FAM219A: variants seen among roughly 807,000 people sequenced by gnomAD.
The protein encoded by FAM219A is protein FAM219A.
A neutral mutation model predicts 23.4 loss-of-function variants in FAM219A; 7 were observed. The observed-to-expected ratio is 0.30, with a 90% confidence interval of 0.17 to 0.56. The LOEUF is 0.56. Ranked by LOEUF, FAM219A falls within the 20% of genes least tolerant of loss-of-function variation. The probability of loss-of-function intolerance (pLI) is 0.92; values close to 1 mark genes in which losing one functional copy is unlikely to be tolerated. For synonymous variants in FAM219A, 93 were observed against 99.0 expected, an observed-to-expected ratio of 0.94 and a Z score of 0.36; for missense variants, 166 against 246.9, an observed-to-expected ratio of 0.67 and a Z score of 2.20.
chr9:34,412,917 C>T (rs1265111138), intron 1 of FAM219A, among the ~76,000 whole-genome samples: 1 of 152,058 alleles, frequency 6.6e-6, no homozygotes, highest in African/African-American at 2.4e-5. Flanking sequence ...GACCACAGGC[C>T]GTTCTTTAAA....
At chr9:34,420,936 C>T (rs986903943) in intron 1 of FAM219A, among the ~76,000 whole-genome samples, 1 of 151,798 alleles carries the variant, frequency 6.6e-6, no homozygotes, top group Non-Finnish European at 1.5e-5. Context: ...GCTGTGATCA[C>T]ACCACTGCAC....
intron 1 of FAM219A, among the ~76,000 whole-genome samples, chr9:34,421,754 G>A (rs1822293773): frequency 6.7e-6 from 1 of 149,294 alleles, no homozygotes; most frequent in Admixed American, 6.7e-5. Flanking sequence ...CACCTGCACT[G>A]TCTCAACCCT....
Position 34,399,692 on chromosome 9 carries a change from A to G in FAM219A, c.*1272T>C, listed in dbSNP as rs1460994556. ...TTTCAGGTATAAAAGGATCTTCAAC[A>G]TAATTTCAGCTGCTGTTCATTTTCT... On this transcript the variant is annotated 3_prime_UTR_variant, in exon 6 of 6. Transcript: ENST00000651358. 2 of 152,220 alleles carry G rather than the reference A, an allele frequency of 1.3e-5. No homozygotes were observed. Among genetic ancestry groups the G allele is most frequent in the Non-Finnish European group, 2.9e-5 (2 of 68,040 alleles). 9.4% of individuals were successfully genotyped at this position (152,220 alleles called of 1,614,324 possible). A position where few individuals can be genotyped will look rare whatever the true frequency, so the allele number is the denominator to read the frequency against.
rs182208603 is a variant in FAM219A, at chr9:34,431,401, C to T, written c.61-25437G>A. ...ACAAACTCACACACGCATATACATG[C>T]ATGCCAGATTCTCCTCCCTGTCACT... On this transcript the variant is annotated intron_variant, in intron 1 of 5. Transcript: ENST00000651358. Among the ~76,000 whole-genome samples the T allele has an allele frequency of 9.2e-5, 14 of 152,308 alleles. 1 individual carries two copies. Among genetic ancestry groups the T allele is most frequent in the Admixed American group, 5.2e-4 (8 of 15,298 alleles).
intron 1 of FAM219A, among the ~76,000 whole-genome samples, chr9:34,423,518 G>A (rs900827744): frequency 1.3e-5 from 2 of 152,208 alleles, no homozygotes; most frequent in Non-Finnish European, 2.9e-5. Flanking sequence ...CAGGTGATGA[G>A]TCTAGAATGA....
intron 1 of FAM219A, among the ~76,000 whole-genome samples, chr9:34,456,421 A>T (rs1028058726): frequency 5.9e-5 from 9 of 152,182 alleles, no homozygotes; most frequent in African/African-American, 2.2e-4. Context: ...TGGTGGCTCT[A>T]TTTCTTCTCC....
intron 1 of FAM219A, among the ~76,000 whole-genome samples, chr9:34,410,684 A>G (rs1172178188): frequency 1.3e-5 from 2 of 152,160 alleles, no homozygotes. Context: ...CCTCACTCTC[A>G]GTGCCAAGGG....
intron 1 of FAM219A, among the ~76,000 whole-genome samples, chr9:34,410,550 T>C (rs1821786634): frequency 6.6e-6 from 1 of 152,192 alleles, no homozygotes; most frequent in Non-Finnish European, 1.5e-5. Flanking sequence ...TCCTAATGTA[T>C]GTCTTCAGAT....
intron 1 of FAM219A, among the ~76,000 whole-genome samples, chr9:34,454,694 T>G (rs2132025294): frequency 6.6e-6 from 1 of 152,314 alleles, no homozygotes; most frequent in Non-Finnish European, 1.5e-5. Flanking sequence ...ATGCTTAAAT[T>G]AGCACCTTGG....
chr9:34,429,097 C>T (rs1463059988), intron 1 of FAM219A, among the ~76,000 whole-genome samples: 1 of 152,230 alleles, frequency 6.6e-6, no homozygotes, highest in Non-Finnish European at 1.5e-5. Flanking sequence ...GCTCAGTGAA[C>T]ACCAAAAGTT....
In FAM219A at chr9:34,458,316, G is replaced by C; in HGVS notation, c.-53C>G. On this transcript the variant is annotated 5_prime_UTR_variant, in exon 1 of 6. Transcript: ENST00000651358. The surrounding 1 kb of genome is among the most constrained non-coding windows in gnomAD (Gnocchi z 6.6). ...CCGGGCGCGGCCGCGGACGCCGACA[G>C]GACCGCGCGGGGCGGCGGCCCCAGG... is the stretch of plus-strand genomic sequence containing the variant. 2 of 1,224,694 alleles carry C rather than the reference G, an allele frequency of 1.6e-6. No individual in the cohort carries two copies. Among genetic ancestry groups the C allele is most frequent in the Non-Finnish European group, 2.0e-6 (2 of 981,338 alleles). 75.9% of individuals were successfully genotyped at this position (1,224,694 alleles called of 1,614,324 possible). A position where few individuals can be genotyped will look rare whatever the true frequency, so the allele number is the denominator to read the frequency against.
chr9:34,414,671 A>G (rs1250891331), intron 1 of FAM219A, among the ~76,000 whole-genome samples: 1 of 152,240 alleles, frequency 6.6e-6, no homozygotes, highest in Non-Finnish European at 1.5e-5. Flanking sequence ...TCCAAGTGTT[A>G]TTGGGTCTTA....
chr9:34,439,703 G>T (rs1823091940), intron 1 of FAM219A, among the ~76,000 whole-genome samples: 1 of 152,084 alleles, frequency 6.6e-6, no homozygotes, highest in East Asian at 1.9e-4. Context: ...AAGCAGAAGG[G>T]AGCCTGGGAC....
At chr9:34,450,772 C>T (rs7039407) in intron 1 of FAM219A, among the ~76,000 whole-genome samples, 1 of 152,286 alleles carries the variant, frequency 6.6e-6, no homozygotes, top group South Asian at 2.1e-4. Context: ...ATGGGATGTA[C>T]TCTGCTTATA....
intron 1 of FAM219A, among the ~76,000 whole-genome samples, chr9:34,443,970 C>T (rs1049905685): frequency 2.6e-5 from 4 of 152,196 alleles, no homozygotes; most frequent in Non-Finnish European, 4.4e-5. Flanking sequence ...AATACCAACC[C>T]TCAACTTGGT....
chr9:34,401,870 G>C lies in FAM219A; in HGVS notation c.345-150C>G, dbSNP rs368882416. On this transcript the variant is annotated intron_variant, in intron 4 of 5. Transcript: ENST00000651358. Reference sequence around the variant, plus strand: ...TACGAACTGTGCTTGCTGTGCAAATGCAGGATTTTAAAGACAAGTTCCCTA... The same window carrying C: ...TACGAACTGTGCTTGCTGTGCAAATCCAGGATTTTAAAGACAAGTTCCCTA... 17 of 915,110 alleles carry C rather than the reference G, an allele frequency of 1.9e-5. No individual in the cohort carries two copies. In the Middle Eastern group the frequency reaches 8.5e-4, roughly 46 times the overall value. 56.7% of individuals were successfully genotyped at this position (915,110 alleles called of 1,614,324 possible). A position where few individuals can be genotyped will look rare whatever the true frequency, so the allele number is the denominator to read the frequency against.
At chr9:34,446,546 G>A (rs979060064) in intron 1 of FAM219A, among the ~76,000 whole-genome samples, 2 of 152,276 alleles carry the variant, frequency 1.3e-5, no homozygotes, top group East Asian at 3.9e-4. Flanking sequence ...TGTCTTCCTG[G>A]TGCCCTGGCC....
intron 1 of FAM219A, among the ~76,000 whole-genome samples, chr9:34,440,866 A>T (rs1451030724): frequency 1.3e-4 from 20 of 151,910 alleles, no homozygotes; most frequent in East Asian, 1.2e-3. Context: ...AAAAAAAAAA[A>T]AATTTTTAAA....
intron 1 of FAM219A, among the ~76,000 whole-genome samples, chr9:34,412,503 A>G (rs1161555236): frequency 3.3e-5 from 5 of 151,440 alleles, no homozygotes; most frequent in African/African-American, 9.7e-5. Context: ...TGATACCACT[A>G]GTTGGTAGGA....
Sources: gnomAD v4.1 joint callset for allele counts (sites outside exome capture counted in the v4.1 genomes callset) on GRCh38, gnomAD v4.1.1 for gene constraint, Gnocchi (gnomAD v3.1) non-coding constraint, MANE v1.5 for transcripts, NCBI Gene and HGNC (gene_info 2026-07-23, HGNC 2026-07-21) for gene names.